ARHGAP26: variants seen among roughly 807,000 people sequenced by gnomAD.
ARHGAP26 encodes Rho GTPase activating protein 26.
ARHGAP26 carries 38 observed loss-of-function variants against 104.8 expected under a neutral mutation model. That is an observed-to-expected ratio of 0.36 (90% CI 0.28 to 0.48). The LOEUF is 0.48. Ranked by LOEUF, ARHGAP26 falls within the 20% of genes least tolerant of loss-of-function variation. The pLI is 0.99. For synonymous variants in ARHGAP26, 341 were observed against 340.0 expected (o/e 1.00, Z -0.03); for missense variants, 704 against 947.9 (o/e 0.74, Z 3.38).
rs1294087792 is a variant in ARHGAP26, at chr5:142,871,440, T to C, written c.155-1960T>C. On this transcript the variant is annotated intron_variant, in intron 1 of 22. Transcript: ENST00000645722. The surrounding 1 kb of genome is among the most constrained non-coding windows in gnomAD (Gnocchi z 4.1). Reference sequence around the variant, plus strand: ...GAGATGATTGAGTTTCTCTTGCTTATGGGGGAGGCACAGGATTGTCGGGTG... The same window carrying C: ...GAGATGATTGAGTTTCTCTTGCTTACGGGGGAGGCACAGGATTGTCGGGTG... Among the ~76,000 whole-genome samples the C allele has an allele frequency of 6.6e-6, 1 of 152,174 alleles. No homozygotes were observed. The highest frequency in any genetic ancestry group is 2.4e-5 in the African/African-American group (1 of 41,446).
intron 10 of ARHGAP26, among the ~76,000 whole-genome samples, chr5:142,924,602 G>C (rs930197339): frequency 6.6e-6 from 1 of 152,204 alleles, no homozygotes; most frequent in African/African-American, 2.4e-5. Context: ...GCCAGTTGCA[G>C]CATCTTCTGG....
At chr5:142,794,684 C>A (rs960315096) in intron 1 of ARHGAP26, among the ~76,000 whole-genome samples, 1 of 152,084 alleles carries the variant, frequency 6.6e-6, no homozygotes, top group African/African-American at 2.4e-5. Context: ...ACAGGGATGT[C>A]AGGCAGATAG....
chr5:142,870,724 A>G (rs772837768), intron 1 of ARHGAP26, among the ~76,000 whole-genome samples: 1 of 152,238 alleles, frequency 6.6e-6, no homozygotes, highest in Non-Finnish European at 1.5e-5. Context: ...AGCCTCCGTC[A>G]GATGAGATAA....
At chr5:142,987,523 C>T (rs1281983033) in intron 11 of ARHGAP26, among the ~76,000 whole-genome samples, 4 of 144,872 alleles carry the variant, frequency 2.8e-5, no homozygotes, top group Non-Finnish European at 6.0e-5. Flanking sequence ...CCAGAACTTC[C>T]AACACTATGT....
In ARHGAP26 at chr5:143,022,504, A is replaced by G. The variant is rs573738402; in HGVS notation, c.1144+8388A>G. 2.0e-5 allele frequency among the ~76,000 whole-genome samples: 3 copies of G among 152,362 alleles called. No individual in the cohort carries two copies. In the South Asian group the frequency reaches 6.2e-4, roughly 32 times the overall value. On this transcript the variant is annotated intron_variant, in intron 12 of 22. Coordinates refer to ENST00000645722, the MANE Select transcript of ARHGAP26 (RefSeq NM_001135608.3). ...TATGGTAGTGTGAAAGCAGTCACAG[A>G]CAATATGGAAATGAGCAGGTGTGGG...
At chr5:143,005,080 T>C (rs1777746215) in intron 11 of ARHGAP26, among the ~76,000 whole-genome samples, 1 of 152,002 alleles carries the variant, frequency 6.6e-6, no homozygotes, top group South Asian at 2.1e-4. Flanking sequence ...TTTTCTGTCA[T>C]GCACTTAAAA....
intron 18 of ARHGAP26, among the ~76,000 whole-genome samples, chr5:143,126,492 A>G (rs757396346): frequency 6.6e-6 from 1 of 152,254 alleles, no homozygotes; most frequent in Non-Finnish European, 1.5e-5. Context: ...ACCAAATAGT[A>G]CTTTGATTGC....
chr5:142,815,829 C>G (rs1414677996), intron 1 of ARHGAP26, among the ~76,000 whole-genome samples: 1 of 152,122 alleles, frequency 6.6e-6, no homozygotes, highest in Non-Finnish European at 1.5e-5. Context: ...AGGTCTCACT[C>G]TATCACCCAG....
intron 6 of ARHGAP26, among the ~76,000 whole-genome samples, chr5:142,901,524 A>C (rs1015867033): frequency 6.6e-6 from 1 of 152,198 alleles, no homozygotes; most frequent in Non-Finnish European, 1.5e-5. Flanking sequence ...CAAATGTACT[A>C]GAGGGAAACT....
At chr5:143,136,260 G>A (rs1412647598) in intron 19 of ARHGAP26, among the ~76,000 whole-genome samples, 1 of 152,194 alleles carries the variant, frequency 6.6e-6, no homozygotes. Flanking sequence ...CAAGGCAGAG[G>A]ATGAAAGTTA....
At chr5:142,879,240 A>G (rs563010821) in intron 3 of ARHGAP26, 134 bp from the exon 4 acceptor site, 26 of 789,132 alleles carry the variant, frequency 3.3e-5, no homozygotes, top group South Asian at 5.6e-5. Flanking sequence ...GGTTGTAAAC[A>G]GTTGACATGT....
chr5:143,142,074 A>G (rs1187892350), intron 19 of ARHGAP26, among the ~76,000 whole-genome samples: 3 of 150,484 alleles, frequency 2.0e-5, no homozygotes, highest in Non-Finnish European at 4.4e-5. Context: ...AATCTGTCAA[A>G]GGTTTTAATA....
At chr5:142,914,859 T>C (rs1451854263) in intron 10 of ARHGAP26, among the ~76,000 whole-genome samples, 1 of 152,202 alleles carries the variant, frequency 6.6e-6, no homozygotes, top group Non-Finnish European at 1.5e-5. Context: ...GAATTCATAT[T>C]ATTGGCATCC....
At chr5:143,092,417 G>T (rs1791592074) in intron 17 of ARHGAP26, among the ~76,000 whole-genome samples, 1 of 151,964 alleles carries the variant, frequency 6.6e-6, no homozygotes, top group Non-Finnish European at 1.5e-5. Context: ...GCCCACCTCG[G>T]CCTCCCAAAG....
chr5:142,987,804 A>G (rs1174615079), intron 11 of ARHGAP26, among the ~76,000 whole-genome samples: 2 of 152,056 alleles, frequency 1.3e-5, no homozygotes, highest in Non-Finnish European at 2.9e-5. Context: ...ACATTTATTG[A>G]TTTGTGTGTA....
At chr5:143,184,466 G>A (rs1183283668) in intron 20 of ARHGAP26, among the ~76,000 whole-genome samples, 1 of 152,190 alleles carries the variant, frequency 6.6e-6, no homozygotes, top group Non-Finnish European at 1.5e-5. Context: ...GGGTCTGTGT[G>A]CCTGTGTGTG....
rs762064797 is a variant in ARHGAP26, at chr5:142,903,503, T to C, written c.703-37T>C. ...ATCTGGATTGTTAAAACAGATACTT[T>C]GTTTCTTTGATTTGAATAAAATTAT... On this transcript the variant is annotated intron_variant, in intron 7 of 22. Coordinates refer to ENST00000645722, the MANE Select transcript of ARHGAP26 (RefSeq NM_001135608.3). 11 of 1,603,522 alleles carry C rather than the reference T, an allele frequency of 6.9e-6. No homozygotes were observed. The Admixed American group carries it at 1.5e-4, about 22-fold the overall frequency.
intron 11 of ARHGAP26, among the ~76,000 whole-genome samples, chr5:142,948,389 A>G (rs999427264): frequency 1.4e-5 from 2 of 147,162 alleles, no homozygotes; most frequent in South Asian, 4.6e-4. Flanking sequence ...ATATATGACT[A>G]TACGTACTTG....
At chr5:143,193,753 C>T (rs1203915632) in intron 20 of ARHGAP26, among the ~76,000 whole-genome samples, 1 of 152,168 alleles carries the variant, frequency 6.6e-6, no homozygotes, top group Non-Finnish European at 1.5e-5. Context: ...TATTTTGAGA[C>T]ATTACATTCA....
Sources: allele counts gnomAD v4.1 joint callset (sites outside exome capture counted in the v4.1 genomes callset), GRCh38; gene constraint gnomAD v4.1.1; non-coding constraint Gnocchi (gnomAD v3.1); transcripts MANE v1.5; gene names NCBI Gene and HGNC (gene_info 2026-07-23, HGNC 2026-07-21).